Variants in SEMA3D observed in about 807,000 individuals in gnomAD.
SEMA3D encodes semaphorin-3D.
A neutral mutation model predicts 100.1 loss-of-function variants in SEMA3D; 84 were observed. The ratio of observed to expected loss-of-function variants is 0.84; its 90% CI spans 0.70 to 1.01. The LOEUF (loss-of-function observed/expected upper bound fraction) is 1.01. SEMA3D is among the 50% of genes least tolerant of loss of function. The pLI, the probability that SEMA3D is intolerant of heterozygous loss-of-function variation, is 0.00. For missense variants in SEMA3D, 875 were observed against 934.1 expected, an observed-to-expected ratio of 0.94 and a Z score of 0.82; for synonymous variants, 312 against 320.7, an observed-to-expected ratio of 0.97 and a Z score of 0.29.
chr7:85,151,344 A>G (rs950918357), intron 2 of SEMA3D, among the ~76,000 whole-genome samples: 2 of 152,002 alleles, frequency 1.3e-5, no homozygotes, highest in Non-Finnish European at 2.9e-5. Context: ...AACCAGGTAA[A>G]CATCTCCAAG....
intron 4 of SEMA3D, among the ~76,000 whole-genome samples, chr7:85,087,718 A>G (rs1361288146): frequency 1.3e-5 from 2 of 152,190 alleles, no homozygotes; most frequent in East Asian, 3.8e-4. Flanking sequence ...CTCATATTCT[A>G]TAATTTACTG....
chr7:85,069,795 G>A (rs1383843661), intron 6 of SEMA3D, among the ~76,000 whole-genome samples: 4 of 152,158 alleles, frequency 2.6e-5, no homozygotes, highest in Non-Finnish European at 5.9e-5. Flanking sequence ...AGCAGCACAG[G>A]GGAGGTCCCA....
At chr7:85,117,763 AGTATGTATGTAT>A (rs35480171) in intron 3 of SEMA3D, among the ~76,000 whole-genome samples, 1,492 of 145,840 alleles carry the variant, frequency 0.01, 11 homozygotes, top group Middle Eastern at 0.032. Context: ...ACAGAGCAAG[AGTATGTATGTAT>A]GTATGTATGT....
chr7:85,194,210 T>C, the SEMA3D span, among the ~76,000 whole-genome samples: 5 of 152,196 alleles, frequency 3.3e-5, no homozygotes, highest in African/African-American at 9.6e-5. Flanking sequence ...GTTCCCATCT[T>C]GTTGCACTAG....
chr7:85,079,090 G>A (rs1174833170), intron 5 of SEMA3D, among the ~76,000 whole-genome samples: 1 of 151,968 alleles, frequency 6.6e-6, no homozygotes, highest in African/African-American at 2.4e-5. Context: ...TTCAATCCCC[G>A]GCTTTACTAT....
intron 14 of SEMA3D, among the ~76,000 whole-genome samples, chr7:85,019,040 T>C (rs1043865948): frequency 1.3e-4 from 19 of 151,822 alleles, no homozygotes; most frequent in Middle Eastern, 3.4e-3. Context: ...AGTGAGAAAG[T>C]TCTATCAAAT....
chr7:85,110,617 T>C (rs757504529), intron 3 of SEMA3D, among the ~76,000 whole-genome samples: 1 of 152,056 alleles, frequency 6.6e-6, no homozygotes, highest in Non-Finnish European at 1.5e-5. Context: ...TATTAATACA[T>C]GTTCTAAATG....
intron 3 of SEMA3D, among the ~76,000 whole-genome samples, chr7:85,113,832 G>A (rs139829723): frequency 4.6e-5 from 7 of 151,950 alleles, no homozygotes; most frequent in African/African-American, 1.5e-4. Context: ...TTATCTTGCA[G>A]CTATTCCAAG....
chr7:85,177,105 A>G (rs1015273480), intron 1 of SEMA3D, among the ~76,000 whole-genome samples: 1 of 152,162 alleles, frequency 6.6e-6, no homozygotes, highest in African/African-American at 2.4e-5. Flanking sequence ...AAATTGCCTA[A>G]CAACATATTC....
At chr7:85,216,359 G>A in the SEMA3D span, among the ~76,000 whole-genome samples, 1 of 123,310 alleles carries the variant, frequency 8.1e-6, no homozygotes, top group Admixed American at 7.6e-5. Flanking sequence ...TAAGAGTGTT[G>A]TGTGTGTGTG....
At chr7:85,206,111 G>C in the SEMA3D span, among the ~76,000 whole-genome samples, 5 of 152,080 alleles carry the variant, frequency 3.3e-5, no homozygotes, top group Non-Finnish European at 7.4e-5. Flanking sequence ...CTGAGTTGAT[G>C]TGAATGTGCC....
intron 2 of SEMA3D, among the ~76,000 whole-genome samples, chr7:85,130,111 C>T (rs1328040163): frequency 6.6e-6 from 1 of 151,998 alleles, no homozygotes. Context: ...ATAAGCATAA[C>T]GCTATCTGGG....
intron 2 of SEMA3D, chr7:85,143,201 AT>A: frequency 1.1e-6 from 1 of 936,110 alleles, no homozygotes; most frequent in Non-Finnish European, 1.3e-6. Context: ...GAGAAAAGTG[AT>A]TAGCAGAATG....
At chr7:85,124,626 G>C (rs1789516365) in intron 2 of SEMA3D, among the ~76,000 whole-genome samples, 1 of 152,056 alleles carries the variant, frequency 6.6e-6, no homozygotes, top group Admixed American at 6.6e-5. Flanking sequence ...ATACTTTCAT[G>C]GAGGACAGAG....
chr7:85,109,516 T>C (rs1789027998), intron 3 of SEMA3D, among the ~76,000 whole-genome samples: 1 of 152,010 alleles, frequency 6.6e-6, no homozygotes, highest in African/African-American at 2.4e-5. Context: ...TCTGGCTCAC[T>C]GTGGCTTTAG....
At chr7:85,029,992 A>G (rs1008154333) in intron 12 of SEMA3D, among the ~76,000 whole-genome samples, 1 of 152,036 alleles carries the variant, frequency 6.6e-6, no homozygotes. Flanking sequence ...ATAAAAAAAA[A>G]GATTTTGAGC....
chr7:85,097,944 C>T lies in SEMA3D; in HGVS notation c.173G>A (p.Cys58Tyr). 6.3e-7 allele frequency: 1 copy of T among 1,574,998 alleles called. No individual in the cohort carries two copies. Among genetic ancestry groups the T allele is most frequent in the Non-Finnish European group, 8.6e-7 (1 of 1,158,938 alleles). ...TYKDLLLSNS[C>Y]IPFLGSSEGL... ...TTCTGATGAACCCAAAAAGGGAATA[C>T]AGCTATTTGAAAGCAGCAAGTCTAT... Residue 58 changes from cysteine (C) to tyrosine (Y), a missense_variant, in exon 4 of 19, where the codon TGT becomes TAT. Coordinates refer to ENST00000284136, the MANE Select transcript of SEMA3D (RefSeq NM_001384900.1).
In SEMA3D at chr7:85,049,394, G is replaced by A. The variant is rs967769090; in HGVS notation, c.861+6323C>T. 2.6e-5 allele frequency among the ~76,000 whole-genome samples: 4 copies of A among 151,550 alleles called. No individual in the cohort carries two copies. In the East Asian group the frequency reaches 7.8e-4, roughly 29 times the overall value. ...CTCATAAAAATTATTGGAAATACAG[G>A]ACTGGTGTAATACACTATCCTGAAC... On this transcript the variant is annotated intron_variant, in intron 9 of 18. Transcript: ENST00000284136.
chr7:85,104,730 C>T (rs1003120995), intron 3 of SEMA3D, among the ~76,000 whole-genome samples: 4 of 151,160 alleles, frequency 2.6e-5, no homozygotes, highest in East Asian at 2.0e-4. Flanking sequence ...CCAGAGATCC[C>T]GAACTGGGTG....
Sources: gnomAD v4.1 joint callset for allele counts (sites outside exome capture counted in the v4.1 genomes callset) on GRCh38, gnomAD v4.1.1 for gene constraint, MANE v1.5 for transcripts, NCBI Gene and HGNC (gene_info 2026-07-23, HGNC 2026-07-21) for gene names.